HNRNPA1: variants seen among roughly 807,000 people sequenced by gnomAD.
HNRNPA1 encodes heterogeneous nuclear ribonucleoprotein A1.
Under a neutral mutation model 44.4 loss-of-function variants are expected in HNRNPA1, and 7 were observed. The observed-to-expected ratio is 0.16, with a 90% CI of 0.09 to 0.30. HNRNPA1 has a LOEUF of 0.30. Ranked by LOEUF, HNRNPA1 falls within the 10% of genes least tolerant of loss-of-function variation. HNRNPA1 has a pLI of 1.00. For missense variants in HNRNPA1, 193 were observed against 465.8 expected (o/e 0.41, Z 5.39); for synonymous variants, 169 against 160.6 (o/e 1.05, Z -0.40).
chr12:54,284,039 A>T (rs760271417), intron 9 of HNRNPA1, 72 bp downstream of exon 9: 1 of 1,532,870 alleles, frequency 6.5e-7, no homozygotes, highest in Non-Finnish European at 8.9e-7. Context: ...AAAGCCCTTT[A>T]ACTGCTATGT....
intron 6 of HNRNPA1, 34 bp from the exon 7 acceptor site, chr12:54,282,762 TCCAA>T (rs1299480656): frequency 5.1e-6 from 8 of 1,575,870 alleles, no homozygotes; most frequent in Non-Finnish European, 6.9e-6. Context: ...TCACTTTAAG[TCCAA>T]GTCATACTTA....
At position 54,280,799 on chromosome 12, in the gene HNRNPA1, C is replaced by T. The variant is rs376349211; in HGVS notation, c.-9C>T. Reference sequence around the variant, plus strand: ...AAGCATCGTTAAAGTCTCTCTTCACCCTGCCGTCATGTCTAAGTCAGAGGT... The same window carrying T: ...AAGCATCGTTAAAGTCTCTCTTCACTCTGCCGTCATGTCTAAGTCAGAGGT... On this transcript the variant is annotated 5_prime_UTR_variant, in exon 1 of 11. Coordinates refer to ENST00000340913, the MANE Select transcript of HNRNPA1 (RefSeq NM_031157.4). 4.3e-6 allele frequency: 7 copies of T among 1,614,192 alleles called. No homozygotes were observed. In the South Asian group the frequency reaches 5.5e-5, roughly 13 times the overall value.
intron 8 of HNRNPA1, chr12:54,283,579 C>T: frequency 1.7e-6 from 1 of 597,148 alleles, no homozygotes; most frequent in Non-Finnish European, 2.9e-6. Context: ...GCTTGTGCCA[C>T]TCTGAAAATC....
At chr12:54,281,152 C>G (rs567801393) in intron 1 of HNRNPA1, 2 of 700,012 alleles carry the variant, frequency 2.9e-6, no homozygotes, top group African/African-American at 1.8e-5. Context: ...CCCTACCGCC[C>G]AAGCCTTTGT....
At chr12:54,284,185 CTTT>C in intron 9 of HNRNPA1, 70 bp from the exon 10 acceptor site, 1 of 1,520,278 alleles carries the variant, frequency 6.6e-7, no homozygotes, top group Admixed American at 1.8e-5. Context: ...TTGAATTTAA[CTTT>C]TATTATCCCA....
In HNRNPA1 at chr12:54,280,751, T is replaced by C; in HGVS notation, c.-57T>C. ...AGATACGTTCGTCAGCTTGCTCCTTTCTGCCCGTGGACGCCGCCGAAGAAG... is the reference window on the plus strand; with the variant it reads ...AGATACGTTCGTCAGCTTGCTCCTTCCTGCCCGTGGACGCCGCCGAAGAAG... On this transcript the variant is annotated 5_prime_UTR_variant, in exon 1 of 11. Transcript: ENST00000340913. 6.2e-7 allele frequency: 1 copy of C among 1,609,796 alleles called. No individual in the cohort carries two copies. Among genetic ancestry groups the C allele is most frequent in the Non-Finnish European group, 8.5e-7 (1 of 1,176,182 alleles).
At chr12:54,284,403 A>G in intron 10 of HNRNPA1, 86 bp downstream of exon 10, 6 of 1,145,534 alleles carry the variant, frequency 5.2e-6, no homozygotes, top group Non-Finnish European at 6.6e-6. Flanking sequence ...GCAGTGCAAC[A>G]TAGTTAACAT....
rs777176018 is a variant in HNRNPA1 at position 54,282,637 on chromosome 12, C to T, written c.648C>T (p.Phe216=). The T allele has an allele frequency of 1.3e-4, 205 of 1,613,612 alleles. No individual in the cohort carries two copies. The highest frequency in any genetic ancestry group is 2.8e-4 in the Admixed American group (17 of 60,000). The part of the protein sequence containing the change: ...RGGGFGGNDN[F]GRGGNFSGRG... The stretch of plus-strand genomic sequence containing the variant: ...GTGGTTTCGGTGGGAATGACAACTT[C>T]GGTCGTGGAGGAAACTTCAGTGGTC... Residue 216 remains phenylalanine, a synonymous_variant, in exon 6 of 11, where the codon TTC becomes TTT. Transcript: ENST00000340913.
chr12:54,281,188 G>A (rs1944158992), intron 1 of HNRNPA1, 198 bp from the exon 2 acceptor site: 6 of 697,134 alleles, frequency 8.6e-6, no homozygotes, highest in Non-Finnish European at 1.6e-5. Context: ...AGGCGACTAG[G>A]GACGCATGCG....
At chr12:54,283,626 C>G in intron 8 of HNRNPA1, 186 bp from the exon 9 acceptor site, 1 of 644,748 alleles carries the variant, frequency 1.6e-6, no homozygotes, top group Non-Finnish European at 2.7e-6. Context: ...GGCCAGTTTT[C>G]TTTGTATTAC....
In HNRNPA1 at chr12:54,282,567, C is replaced by T. The variant is rs745418513; in HGVS notation, c.584-6C>T. ...ATGATTTAATGCTTAAACTTCATGT[C>T]TTAAGGTCGAAGTGGTTCTGGAAAC... On this transcript the variant is annotated splice_polypyrimidine_tract_variant and splice_region_variant and intron_variant, in intron 5 of 10. Transcript: ENST00000340913. 2.5e-6 allele frequency: 4 copies of T among 1,613,226 alleles called. No homozygotes were observed. Among genetic ancestry groups the T allele is most frequent in the African/African-American group, 2.7e-5 (2 of 74,772 alleles).
At chr12:54,283,722 C>T (rs1429544117) in intron 8 of HNRNPA1, 90 bp from the exon 9 acceptor site, 7 of 1,289,098 alleles carry the variant, frequency 5.4e-6, no homozygotes, top group East Asian at 4.6e-5. Context: ...AGGCTGATAA[C>T]TCAACCTTAT....
chr12:54,283,047 T>C (rs766464931), intron 7 of HNRNPA1, 32 bp from the exon 8 acceptor site: 5 of 1,607,748 alleles, frequency 3.1e-6, no homozygotes, highest in South Asian at 2.2e-5. Context: ...TCAAATACTT[T>C]TGTCTTATTG....
intron 1 of HNRNPA1, chr12:54,281,059 A>C (rs942786333): frequency 1.4e-6 from 1 of 705,784 alleles, no homozygotes; most frequent in Non-Finnish European, 2.6e-6. Flanking sequence ...ATTCTTAGGC[A>C]CACAGGATCT....
In HNRNPA1 at chr12:54,281,549, C is replaced by T. The variant is rs373496287; in HGVS notation, c.132+47C>T. 108 of 1,337,208 alleles carry T rather than the reference C, an allele frequency of 8.1e-5. 1 individual carries two copies. The African/African-American group carries it at 1.0e-3, about 12-fold the overall frequency. The allele number at this position is 1,337,208 out of a possible 1,614,324, so 82.8% of individuals were successfully genotyped here. ...GCAGTAAAACAGCCGATTTCCTTGG[C>T]TTATCTTGGTGCAGTCTTCTCCGAA... On this transcript the variant is annotated intron_variant, in intron 2 of 10. Transcript: ENST00000340913.
At chr12:54,281,654 C>G (rs1259544465) in intron 2 of HNRNPA1, 141 bp from the exon 3 acceptor site, 7 of 1,041,882 alleles carry the variant, frequency 6.7e-6, no homozygotes, top group East Asian at 2.5e-5. Context: ...TAAAAGCTAC[C>G]TCTTAAATCT....
rs1311990822 is a variant in HNRNPA1, at chr12:54,280,822, G to A, written c.15G>A (p.Glu5=). 2.5e-6 allele frequency: 4 copies of A among 1,614,048 alleles called. No homozygotes were observed. Among genetic ancestry groups the A allele is most frequent in the Non-Finnish European group, 3.4e-6 (4 of 1,180,024 alleles). Residue 5 remains glutamate (E), a splice_region_variant and synonymous_variant, in exon 1 of 11, where the codon GAG becomes GAA. Coordinates refer to ENST00000340913, the MANE Select transcript of HNRNPA1 (RefSeq NM_031157.4). Reference sequence around the variant, plus strand: ...ACCCTGCCGTCATGTCTAAGTCAGAGGTGAGTTAGGCGCGCTTTCCCACTT... The same window carrying A: ...ACCCTGCCGTCATGTCTAAGTCAGAAGTGAGTTAGGCGCGCTTTCCCACTT... The part of the protein sequence containing the change: MSKS[E]SPKEPEQLRK...
chr12:54,280,735 C>A lies in HNRNPA1; in HGVS notation c.-73C>A. Reference sequence around the variant, plus strand: ...GCGAAGGTAGGCTGGCAGATACGTTCGTCAGCTTGCTCCTTTCTGCCCGTG... The same window carrying A: ...GCGAAGGTAGGCTGGCAGATACGTTAGTCAGCTTGCTCCTTTCTGCCCGTG... On this transcript the variant is annotated 5_prime_UTR_variant, in exon 1 of 11. Transcript: ENST00000340913. 4.5e-6 allele frequency: 7 copies of A among 1,565,192 alleles called. No homozygotes were observed. The highest frequency in any genetic ancestry group is 6.2e-6 in the Non-Finnish European group (7 of 1,135,758).
intron 9 of HNRNPA1, 111 bp from the exon 10 acceptor site, chr12:54,284,147 G>A: frequency 1.6e-6 from 2 of 1,289,750 alleles, no homozygotes; most frequent in Non-Finnish European, 2.2e-6. Context: ...CTCCCTTGTA[G>A]TAGGGCCATT....
Sources: allele counts gnomAD v4.1 joint callset, GRCh38; gene constraint gnomAD v4.1.1; transcripts MANE v1.5; gene names NCBI Gene and HGNC (gene_info 2026-07-23, HGNC 2026-07-21).